The following ZNF536 variants were observed in gnomAD, a reference collection of about 807,000 sequenced individuals.
The protein encoded by ZNF536 is zinc finger protein 536.
ZNF536 carries 13 observed loss-of-function variants against 84.5 expected under a neutral mutation model. That is an observed-to-expected ratio of 0.15 (90% CI 0.10 to 0.24). The LOEUF (loss-of-function observed/expected upper bound fraction) is 0.24. Among genes scored for constraint, ZNF536 ranks in the 10% least tolerant of loss-of-function variants. The pLI, the probability that ZNF536 is intolerant of heterozygous loss-of-function variation, is 1.00. For missense variants in ZNF536, 1,536 were observed against 1,747.5 expected (o/e 0.88, Z 2.16); for synonymous variants, 811 against 742.5 (o/e 1.09, Z -1.50).
intron 1 of ZNF536, among the ~76,000 whole-genome samples, chr19:30,687,248 A>G (rs1348437452): frequency 6.6e-6 from 1 of 152,218 alleles, no homozygotes; most frequent in Non-Finnish European, 1.5e-5. Flanking sequence ...GCAAAACAGG[A>G]TGTGAAACAA....
intron 2 of ZNF536, among the ~76,000 whole-genome samples, chr19:30,480,654 A>G (rs770086483): frequency 6.6e-6 from 1 of 152,202 alleles, no homozygotes; most frequent in African/African-American, 2.4e-5. Flanking sequence ...ACCATGGCAC[A>G]TGTATACCTA....
intron 2 of ZNF536, among the ~76,000 whole-genome samples, chr19:30,533,917 A>G (rs759842001): frequency 6.6e-5 from 10 of 152,340 alleles, no homozygotes; most frequent in East Asian, 1.9e-4. Flanking sequence ...CGATTCCCCA[A>G]TTGTGACCTC....
intron 3 of ZNF536, among the ~76,000 whole-genome samples, chr19:30,538,275 G>C (rs1393799529): frequency 1.3e-5 from 2 of 152,036 alleles, no homozygotes; most frequent in Admixed American, 1.3e-4. Flanking sequence ...CCATCTTTTT[G>C]AAGTTTTTAA....
intron 1 of ZNF536, among the ~76,000 whole-genome samples, chr19:30,623,226 C>G (rs892596303): frequency 1.3e-5 from 2 of 152,160 alleles, no homozygotes; most frequent in Non-Finnish European, 2.9e-5. Flanking sequence ...CTTATCCACC[C>G]TGCCATGAGA....
rs189016067 is a variant in ZNF536 at position 30,429,093 on chromosome 19, T to C, written c.-2-14468T>C. On this transcript the variant is annotated intron_variant, in intron 1 of 4. Transcript: ENST00000355537. ...TGGTTTAAGGGGGTGGAGGAGGCTA[T>C]AGAGGGAGGATCCAGGCCCACTGAT... is the stretch of plus-strand genomic sequence containing the variant. 7.2e-5 allele frequency among the ~76,000 whole-genome samples: 11 copies of C among 152,256 alleles called. No individual in the cohort carries two copies. In the East Asian group the frequency reaches 1.7e-3, roughly 24 times the overall value.
intron 1 of ZNF536, among the ~76,000 whole-genome samples, chr19:30,622,533 T>C (rs2048520659): frequency 2.0e-5 from 3 of 152,248 alleles, no homozygotes; most frequent in Admixed American, 2.0e-4. Context: ...AGTCGCATAA[T>C]AGACAGCGTC....
chr19:30,621,850 C>T (rs144223038), intron 1 of ZNF536, among the ~76,000 whole-genome samples: 92 of 152,366 alleles, frequency 6.0e-4, no homozygotes, highest in African/African-American at 2.1e-3. Flanking sequence ...CTAGGTCTTT[C>T]TCTCTCTTTC....
intron 2 of ZNF536, among the ~76,000 whole-genome samples, chr19:30,516,315 G>A (rs2044071892): frequency 6.6e-6 from 1 of 152,218 alleles, no homozygotes; most frequent in African/African-American, 2.4e-5. Flanking sequence ...GCACGGACCA[G>A]CCGGCCTGGT....
At chr19:30,341,069 C>T (rs183540595) in intron 2 of ZNF536, among the ~76,000 whole-genome samples, 7 of 152,012 alleles carry the variant, frequency 4.6e-5, no homozygotes, top group Admixed American at 1.3e-4. Flanking sequence ...ACACAGCAGC[C>T]GTTCGGCAGT....
intron 3 of ZNF536, among the ~76,000 whole-genome samples, chr19:30,541,321 T>A (rs1469454967): frequency 1.3e-5 from 2 of 152,066 alleles, no homozygotes; most frequent in African/African-American, 4.8e-5. Flanking sequence ...AAAATGGGTG[T>A]TCTTCTCATT....
chr19:30,590,149 G>A (rs1251329111), intron 1 of ZNF536, among the ~76,000 whole-genome samples: 1 of 152,198 alleles, frequency 6.6e-6, no homozygotes, highest in Non-Finnish European at 1.5e-5. Context: ...GTCAACCCAT[G>A]GAGGTTCTTC....
At chr19:30,583,131 C>T (rs994444934) in intron 1 of ZNF536, among the ~76,000 whole-genome samples, 13 of 152,196 alleles carry the variant, frequency 8.5e-5, no homozygotes, top group Admixed American at 7.2e-4. Flanking sequence ...CTCATCTGTG[C>T]CATGAGGGGT....
At chr19:30,538,900 A>C (rs1412125078) in intron 3 of ZNF536, among the ~76,000 whole-genome samples, 2 of 152,066 alleles carry the variant, frequency 1.3e-5, no homozygotes, top group East Asian at 3.9e-4. Flanking sequence ...CTCCAGAGAA[A>C]CAGCACCGAT....
In ZNF536 at chr19:30,444,015, G is replaced by C. The variant is rs771040026; in HGVS notation, c.453G>C (p.Thr151=). Residue 151 remains threonine, a synonymous_variant, in exon 2 of 5, where the codon ACG becomes ACC. Transcript: ENST00000355537. ...FNSILSLHMR[T]HTGEKPFKCP... ...GCATCCTCTCCCTGCACATGCGCAC[G>C]CACACGGGCGAGAAGCCCTTCAAGT... 1 of 1,613,684 alleles carries C rather than the reference G, an allele frequency of 6.2e-7. No individual in the cohort carries two copies. Among genetic ancestry groups the C allele is most frequent in the Non-Finnish European group, 8.5e-7 (1 of 1,180,022 alleles).
chr19:30,513,742 C>T (rs572850327), intron 2 of ZNF536, among the ~76,000 whole-genome samples: 1 of 152,256 alleles, frequency 6.6e-6, no homozygotes, highest in South Asian at 2.1e-4. Context: ...AGAAACACAG[C>T]TCCCGGTGGT....
intron 1 of ZNF536, among the ~76,000 whole-genome samples, chr19:30,429,617 C>A (rs1047630428): frequency 1.3e-5 from 2 of 152,094 alleles, no homozygotes; most frequent in African/African-American, 4.8e-5. Context: ...GAACAGTGCT[C>A]AAATATTTGC....
intron 1 of ZNF536, among the ~76,000 whole-genome samples, chr19:30,655,347 A>T (rs1448570359): frequency 6.6e-6 from 1 of 152,196 alleles, no homozygotes; most frequent in African/African-American, 2.4e-5. Flanking sequence ...GAATAAAAGA[A>T]TCTATTACAT....
At chr19:30,423,149 C>A (rs1313991020) in intron 1 of ZNF536, among the ~76,000 whole-genome samples, 1 of 146,992 alleles carries the variant, frequency 6.8e-6, no homozygotes, top group Non-Finnish European at 1.5e-5. Flanking sequence ...ATCCATCCAT[C>A]CAACCATCCA....
At chr19:30,305,155 C>T (rs2046306100) in intron 2 of ZNF536, among the ~76,000 whole-genome samples, 1 of 152,138 alleles carries the variant, frequency 6.6e-6, no homozygotes, top group African/African-American at 2.4e-5. Context: ...TTGGTTTTCC[C>T]AAATGGACTG....
Sources: gnomAD v4.1 joint callset for allele counts (sites outside exome capture counted in the v4.1 genomes callset) on GRCh38, gnomAD v4.1.1 for gene constraint, MANE v1.5 for transcripts, NCBI Gene and HGNC (gene_info 2026-07-23, HGNC 2026-07-21) for gene names.